The following MBNL2 variants were observed in gnomAD, a reference collection of about 807,000 sequenced individuals.
MBNL2 encodes muscleblind like splicing regulator 2, also known as muscleblind-like protein 2.
MBNL2 carries 17 observed loss-of-function variants against 41.9 expected under a neutral mutation model. The ratio of observed to expected loss-of-function variants is 0.41; its 90% confidence interval spans 0.28 to 0.61. The LOEUF is 0.61. MBNL2 is among the 20% of genes least tolerant of loss of function. The pLI, the probability that MBNL2 is intolerant of heterozygous loss-of-function variation, is 0.35. For missense variants in MBNL2, 336 were observed against 505.6 expected, an observed-to-expected ratio of 0.66 and a Z score of 3.22; for synonymous variants, 195 against 182.9, an observed-to-expected ratio of 1.07 and a Z score of -0.53.
At chr13:97,143,969 G>A in the MBNL2 span, among the ~76,000 whole-genome samples, 78 of 152,046 alleles carry the variant, frequency 5.1e-4, no homozygotes, top group South Asian at 5.2e-3. Flanking sequence ...TCAGCCTCCC[G>A]AGTAGCTGGG....
chr13:97,305,069 TA>T (rs2058000705), intron 2 of MBNL2, among the ~76,000 whole-genome samples: 2 of 152,258 alleles, frequency 1.3e-5, no homozygotes, highest in Admixed American at 1.3e-4. Flanking sequence ...TTCCTTCTTT[TA>T]ATTACCAGCC....
At chr13:97,216,088 C>T in the MBNL2 span, among the ~76,000 whole-genome samples, 1 of 152,268 alleles carries the variant, frequency 6.6e-6, no homozygotes, top group Admixed American at 6.5e-5. Context: ...TGCCTCTAGA[C>T]CTACTGGAGA....
the MBNL2 span, among the ~76,000 whole-genome samples, chr13:97,203,878 A>ATGGT: frequency 1.4e-3 from 35 of 24,172 alleles, no homozygotes; most frequent in Middle Eastern, 0.024. Flanking sequence ...AAGTGAATGG[A>ATGGT]TGGATGGATG....
the MBNL2 span, among the ~76,000 whole-genome samples, chr13:97,215,225 T>C: frequency 6.6e-6 from 1 of 152,150 alleles, no homozygotes; most frequent in Non-Finnish European, 1.5e-5. Context: ...AGAAAAACAA[T>C]GAGACAGTTA....
intron 5 of MBNL2, among the ~76,000 whole-genome samples, chr13:97,350,672 C>T (rs1254873989): frequency 6.6e-6 from 1 of 152,200 alleles, no homozygotes; most frequent in African/African-American, 2.4e-5. Context: ...TTTGCTGCTC[C>T]ATAAAGCGAC....
chr13:97,279,324 T>C (rs1232588405), intron 2 of MBNL2, among the ~76,000 whole-genome samples: 2 of 152,210 alleles, frequency 1.3e-5, no homozygotes, highest in Admixed American at 6.5e-5. Context: ...GCTTCAGTTT[T>C]CTCTTATATA....
chr13:97,247,653 C>T (rs930060601), intron 1 of MBNL2, among the ~76,000 whole-genome samples: 2 of 152,170 alleles, frequency 1.3e-5, no homozygotes, highest in South Asian at 4.1e-4. Flanking sequence ...GTTTAGAACT[C>T]TAATATTTTC....
intron 3 of MBNL2, among the ~76,000 whole-genome samples, chr13:97,340,423 T>C (rs1381302004): frequency 6.6e-6 from 1 of 152,230 alleles, no homozygotes; most frequent in Middle Eastern, 3.2e-3. Context: ...ATACCCTTAC[T>C]ATACTGCTAT....
rs78374765 is a variant in MBNL2 at position 97,318,925 on chromosome 13, C to T, written c.175-15351C>T. Among the ~76,000 whole-genome samples the T allele has an allele frequency of 4.2e-3, 638 of 152,216 alleles. 4 individuals carry two copies. Among genetic ancestry groups the T allele is most frequent in the African/African-American group, 0.014 (579 of 41,526 alleles). On this transcript the variant is annotated intron_variant, in intron 2 of 8. Transcript: ENST00000679496. Reference sequence around the variant, plus strand: ...TCAAGGTCTCCGCCCTCTCTAGGTACGTACTGGAGAAACATGCAGCAGCAG... The same window carrying T: ...TCAAGGTCTCCGCCCTCTCTAGGTATGTACTGGAGAAACATGCAGCAGCAG...
chr13:97,364,264 A>T (rs1196302408), intron 7 of MBNL2, among the ~76,000 whole-genome samples: 2 of 152,098 alleles, frequency 1.3e-5, no homozygotes, highest in Non-Finnish European at 2.9e-5. Context: ...CCAACTTGAG[A>T]TTTCCTAGGA....
chr13:97,363,435 TG>T, intron 7 of MBNL2, among the ~76,000 whole-genome samples: 1 of 147,610 alleles, frequency 6.8e-6, no homozygotes. Context: ...TGTGTGTGTG[TG>T]TGTGTGTGTG....
At position 97,268,430 on chromosome 13, in the gene MBNL2, C is replaced by T. The variant is rs571445324; in HGVS notation, c.-604-7202C>T. Among the ~76,000 whole-genome samples, 13 of 152,228 alleles carry T rather than the reference C, an allele frequency of 8.5e-5. No individual in the cohort carries two copies. The South Asian group carries it at 1.9e-3, about 22-fold the overall frequency. On this transcript the variant is annotated intron_variant, in intron 1 of 8. Coordinates refer to ENST00000679496, the MANE Select transcript of MBNL2 (RefSeq NM_001382683.1). This position sits in a 1 kb window ranked among gnomAD's most constrained non-coding sequence, Gnocchi z 4.6. Reference sequence around the variant, plus strand: ...GTGTGCATTCCTAACAAGATCCCAGCGGATGCTGCTGCTGCTGGCCCAGGC... The same window carrying T: ...GTGTGCATTCCTAACAAGATCCCAGTGGATGCTGCTGCTGCTGGCCCAGGC...
chr13:97,156,987 T>C, the MBNL2 span, among the ~76,000 whole-genome samples: 1 of 150,604 alleles, frequency 6.6e-6, no homozygotes, highest in Non-Finnish European at 1.5e-5. Flanking sequence ...CCTTGGGCAG[T>C]ATGGCCATTT....
At chr13:97,147,307 A>G in the MBNL2 span, among the ~76,000 whole-genome samples, 3 of 152,212 alleles carry the variant, frequency 2.0e-5, no homozygotes, top group Non-Finnish European at 4.4e-5. Context: ...TTCAAAATGT[A>G]TGAAGGTAAT....
At chr13:97,197,626 A>T in the MBNL2 span, among the ~76,000 whole-genome samples, 1 of 152,054 alleles carries the variant, frequency 6.6e-6, no homozygotes, top group Non-Finnish European at 1.5e-5. Context: ...AATTCTCTTG[A>T]TAAAAATCAC....
the MBNL2 span, among the ~76,000 whole-genome samples, chr13:97,185,115 A>C: frequency 3.9e-5 from 6 of 152,186 alleles, no homozygotes; most frequent in African/African-American, 1.4e-4. Flanking sequence ...CAGAGTGTTC[A>C]TACCTTAAGT....
intron 3 of MBNL2, among the ~76,000 whole-genome samples, chr13:97,339,878 G>GT (rs1328905271): frequency 6.7e-6 from 1 of 148,442 alleles, no homozygotes; most frequent in Non-Finnish European, 1.5e-5. Context: ...TGTGGGCGGG[G>GT]GGGGCGTTGT....
At chr13:97,261,749 C>T (rs535622760) in intron 1 of MBNL2, among the ~76,000 whole-genome samples, 13 of 152,326 alleles carry the variant, frequency 8.5e-5, no homozygotes, top group South Asian at 2.1e-4. Context: ...TTGACTGAGA[C>T]GATAAAGGCT....
At position 97,366,382 on chromosome 13, in the gene MBNL2, C is replaced by T; in HGVS notation, c.1048+1211C>T. ...TGATGGCTTGCTGCTCTGATATTCACCATGCCAAAATACCACTTCTATTAC... is the reference window on the plus strand; with the variant it reads ...TGATGGCTTGCTGCTCTGATATTCATCATGCCAAAATACCACTTCTATTAC... On this transcript the variant is annotated intron_variant, in intron 8 of 8. Transcript: ENST00000679496. The surrounding 1 kb of genome is among the most constrained non-coding windows in gnomAD (Gnocchi z 4.7). 1 of 733,120 alleles carries T rather than the reference C, an allele frequency of 1.4e-6. No homozygotes were observed. Among genetic ancestry groups the T allele is most frequent in the Non-Finnish European group, 2.4e-6 (1 of 411,512 alleles). 45.4% of individuals were successfully genotyped at this position (733,120 alleles called of 1,614,324 possible).
Sources: allele counts gnomAD v4.1 joint callset (sites outside exome capture counted in the v4.1 genomes callset), GRCh38; gene constraint gnomAD v4.1.1; non-coding constraint Gnocchi (gnomAD v3.1); transcripts MANE v1.5; gene names NCBI Gene and HGNC (gene_info 2026-07-23, HGNC 2026-07-21).